Variants in PKIB observed in about 807,000 individuals in gnomAD.
PKIB encodes the protein cAMP-dependent protein kinase inhibitor beta, also known as PKI-beta.
PKIB carries 2 observed loss-of-function variants against 4.5 expected under a neutral mutation model. The observed-to-expected ratio is 0.44, with a 90% CI of 0.18 to 1.39. The LOEUF is 1.39. Ranked by LOEUF, PKIB falls within the 40% of genes most tolerant of loss-of-function variation. The pLI, the probability that PKIB is intolerant of heterozygous loss-of-function variation, is 0.27. For synonymous variants in PKIB, 38 were observed against 36.0 expected (o/e 1.06, Z -0.20); for missense variants, 94 against 92.6 (o/e 1.02, Z -0.06).
chr6:122,679,493 G>C (rs1453861669), intron 3 of PKIB, among the ~76,000 whole-genome samples: 1 of 152,162 alleles, frequency 6.6e-6, no homozygotes, highest in Non-Finnish European at 1.5e-5. Context: ...AGGAAACTCA[G>C]TGAAGAGGAC....
intron 2 of PKIB, among the ~76,000 whole-genome samples, chr6:122,498,402 A>G (rs1436391824): frequency 6.6e-6 from 1 of 152,236 alleles, no homozygotes; most frequent in African/African-American, 2.4e-5. Flanking sequence ...TCCTCCCATG[A>G]CATGTGGGAA....
chr6:122,566,523 A>G (rs1773199932), intron 2 of PKIB, among the ~76,000 whole-genome samples: 1 of 152,228 alleles, frequency 6.6e-6, no homozygotes, highest in East Asian at 1.9e-4. Flanking sequence ...TTTAAAATAC[A>G]TTATTTTTAT....
At chr6:122,508,549 T>C (rs915173457) in intron 2 of PKIB, among the ~76,000 whole-genome samples, 3 of 152,164 alleles carry the variant, frequency 2.0e-5, no homozygotes, top group Non-Finnish European at 2.9e-5. Context: ...TTTATTAGTC[T>C]TAGTCAAGGG....
intron 2 of PKIB, among the ~76,000 whole-genome samples, chr6:122,546,405 G>C (rs1045657655): frequency 2.6e-5 from 4 of 151,894 alleles, no homozygotes; most frequent in Admixed American, 6.6e-5. Flanking sequence ...GGGCAGGTTG[G>C]GGGGTGGAGG....
At chr6:122,685,433 CTGCCTATAAAAAAAGAAA>C (rs1323114170) in intron 3 of PKIB, among the ~76,000 whole-genome samples, 1 of 152,116 alleles carries the variant, frequency 6.6e-6, no homozygotes, top group Non-Finnish European at 1.5e-5. Context: ...AGTTGGACAA[CTGCCTATAAAAAAAGAAA>C]TACTCAAGGA....
chr6:122,523,294 A>T (rs1776998879), intron 2 of PKIB, among the ~76,000 whole-genome samples: 2 of 152,150 alleles, frequency 1.3e-5, no homozygotes, highest in African/African-American at 4.8e-5. Context: ...GTATTACATT[A>T]ATCTATTTCT....
chr6:122,662,753 G>T (rs1022903114), intron 2 of PKIB, among the ~76,000 whole-genome samples: 2 of 152,070 alleles, frequency 1.3e-5, no homozygotes, highest in Non-Finnish European at 2.9e-5. Context: ...TATGAGGTTG[G>T]TAAAATTATT....
chr6:122,541,220 T>C (rs1428501436), intron 2 of PKIB, among the ~76,000 whole-genome samples: 1 of 152,138 alleles, frequency 6.6e-6, no homozygotes, highest in African/African-American at 2.4e-5. Context: ...TTTGGTCCTG[T>C]CATTATGATG....
At chr6:122,545,017 C>T (rs1206643535) in intron 2 of PKIB, among the ~76,000 whole-genome samples, 2 of 152,000 alleles carry the variant, frequency 1.3e-5, no homozygotes, top group Non-Finnish European at 2.9e-5. Flanking sequence ...GCAGAGAAAA[C>T]AGAATACTTA....
rs537452377 is a variant in PKIB at position 122,514,961 on chromosome 6, T to G, written c.-248+37022T>G. The stretch of plus-strand genomic sequence containing the variant: ...TTCTATGCTTCTGTGCCTGAGGTCT[T>G]TGCAAGAGTAAATGGTACAGTTTGG... On this transcript the variant is annotated intron_variant, in intron 2 of 6. Transcript: ENST00000392491. Among the ~76,000 whole-genome samples the G allele has an allele frequency of 2.6e-5, 4 of 152,346 alleles. No individual in the cohort carries two copies. The South Asian group carries it at 8.3e-4, about 32-fold the overall frequency.
At chr6:122,515,755 C>T (rs1776728942) in intron 2 of PKIB, among the ~76,000 whole-genome samples, 1 of 152,112 alleles carries the variant, frequency 6.6e-6, no homozygotes. Flanking sequence ...CTTACTCTGT[C>T]ACTAGGCTGG....
intron 2 of PKIB, among the ~76,000 whole-genome samples, chr6:122,647,408 A>G (rs7754457): frequency 5.3e-5 from 8 of 152,234 alleles, no homozygotes; most frequent in African/African-American, 1.9e-4. Flanking sequence ...CATGAAGCTG[A>G]TCACCACATC....
chr6:122,562,363 G>T (rs1773061735), intron 2 of PKIB, among the ~76,000 whole-genome samples: 1 of 152,060 alleles, frequency 6.6e-6, no homozygotes, highest in Non-Finnish European at 1.5e-5. Flanking sequence ...AGGTTGCTTG[G>T]TGCTTCGTCT....
chr6:122,512,194 A>C (rs1375803375), intron 2 of PKIB, among the ~76,000 whole-genome samples: 2 of 152,224 alleles, frequency 1.3e-5, no homozygotes, highest in Non-Finnish European at 2.9e-5. Flanking sequence ...TTTATTTTGC[A>C]CATGTTTAAA....
intron 2 of PKIB, among the ~76,000 whole-genome samples, chr6:122,524,419 GCTT>G (rs780735206): frequency 6.8e-6 from 1 of 148,118 alleles, no homozygotes; most frequent in African/African-American, 2.5e-5. Flanking sequence ...TGCTTTTGCT[GCTT>G]CTTCTTCATT....
chr6:122,509,327 A>G (rs1029908774), intron 2 of PKIB, among the ~76,000 whole-genome samples: 1 of 152,226 alleles, frequency 6.6e-6, no homozygotes, highest in African/African-American at 2.4e-5. Context: ...TAACTGAATT[A>G]ATAAATGCTT....
At chr6:122,673,608 G>T (rs1777550225) in intron 2 of PKIB, among the ~76,000 whole-genome samples, 1 of 152,182 alleles carries the variant, frequency 6.6e-6, no homozygotes, top group Admixed American at 6.5e-5. Context: ...AGGTTAAAAT[G>T]ATGTCTGCTT....
At chr6:122,681,815 C>T (rs987641893) in intron 3 of PKIB, among the ~76,000 whole-genome samples, 1 of 152,204 alleles carries the variant, frequency 6.6e-6, no homozygotes, top group African/African-American at 2.4e-5. Flanking sequence ...ATTGTTCCCT[C>T]AAGAATGATT....
chr6:122,523,986 C>G (rs1349106449), intron 2 of PKIB, among the ~76,000 whole-genome samples: 1 of 152,170 alleles, frequency 6.6e-6, no homozygotes, highest in African/African-American at 2.4e-5. Flanking sequence ...TTGACCAGTA[C>G]AGTGGTGTAT....
Sources: gnomAD v4.1 joint callset for allele counts (sites outside exome capture counted in the v4.1 genomes callset) on GRCh38, gnomAD v4.1.1 for gene constraint, MANE v1.5 for transcripts, NCBI Gene and HGNC (gene_info 2026-07-23, HGNC 2026-07-21) for gene names.